The following VMP1 variants were observed in gnomAD, a reference collection of about 807,000 sequenced individuals.
The protein encoded by VMP1 is ectopic P-granules autophagy protein 3 homolog.
A neutral mutation model predicts 56.0 loss-of-function variants in VMP1; 11 were observed. The observed-to-expected ratio is 0.20, with a 90% confidence interval of 0.12 to 0.32. VMP1 has a LOEUF of 0.32. VMP1 is among the 10% of genes least tolerant of loss of function. The pLI is 1.00. For missense variants in VMP1, 296 were observed against 490.3 expected (o/e 0.60, Z 3.74); for synonymous variants, 149 against 165.0 (o/e 0.90, Z 0.74).
chr17:59,802,031 T>C (rs2037687416), intron 7 of VMP1, among the ~76,000 whole-genome samples: 1 of 151,816 alleles, frequency 6.6e-6, no homozygotes, highest in Admixed American at 6.6e-5. Context: ...CGAAACCCCA[T>C]CTCTACTAAA....
chr17:59,782,541 T>C (rs1488041809), intron 7 of VMP1, among the ~76,000 whole-genome samples: 2 of 152,212 alleles, frequency 1.3e-5, no homozygotes, highest in Non-Finnish European at 2.9e-5. Context: ...CAAATTCTTA[T>C]AGTAATCAGT....
chr17:59,778,316 G>A (rs1044044906), intron 7 of VMP1, among the ~76,000 whole-genome samples: 11 of 151,894 alleles, frequency 7.2e-5, no homozygotes, highest in Admixed American at 1.3e-4. Context: ...AGAGGCAGGC[G>A]GATCATGAGG....
chr17:59,775,246 CA>C (rs1409092636), intron 7 of VMP1, among the ~76,000 whole-genome samples: 2 of 148,398 alleles, frequency 1.3e-5, no homozygotes, highest in Non-Finnish European at 3.0e-5. Flanking sequence ...GCCCGGCCTA[CA>C]AAAAATTTTT....
intron 7 of VMP1, among the ~76,000 whole-genome samples, chr17:59,777,230 T>C (rs971862363): frequency 1.3e-5 from 2 of 152,206 alleles, no homozygotes; most frequent in Admixed American, 1.3e-4. Context: ...CTTGAACATA[T>C]TCTGCTGTAG....
chr17:59,759,558 T>C (rs537483686), intron 5 of VMP1, among the ~76,000 whole-genome samples: 1 of 152,224 alleles, frequency 6.6e-6, no homozygotes, highest in Non-Finnish European at 1.5e-5. Context: ...TTAATATTCT[T>C]TGTCATTAAA....
intron 5 of VMP1, among the ~76,000 whole-genome samples, chr17:59,764,464 C>T (rs745478270): frequency 2.6e-5 from 4 of 152,116 alleles, no homozygotes; most frequent in Non-Finnish European, 5.9e-5. Context: ...GCTGGGACTA[C>T]AGGCACATGC....
intron 10 of VMP1, among the ~76,000 whole-genome samples, chr17:59,821,925 C>A (rs1196514723): frequency 6.6e-6 from 1 of 151,960 alleles, no homozygotes; most frequent in Non-Finnish European, 1.5e-5. Context: ...TCACTGCAAC[C>A]TCCGCCTCCT....
chr17:59,775,223 C>T (rs1019825830), intron 7 of VMP1, among the ~76,000 whole-genome samples: 4 of 152,226 alleles, frequency 2.6e-5, no homozygotes, highest in African/African-American at 4.8e-5. Context: ...GGATTACAGG[C>T]GTGAGCCACC....
At position 59,839,578 on chromosome 17, in the gene VMP1, G is replaced by A. The variant is rs552947369; in HGVS notation, c.1078-190G>A. 1.3e-3 allele frequency: 864 copies of A among 649,718 alleles called. 3 individuals carry two copies. Among genetic ancestry groups the A allele is most frequent in the Non-Finnish European group, 1.9e-3 (738 of 398,650 alleles). The allele number at this position is 649,718 out of a possible 1,614,324, so 40.2% of individuals were successfully genotyped here. The stretch of plus-strand genomic sequence containing the variant: ...CAACACTGATTTTACATCCAACAAA[G>A]TGAAATCTTGATAGTTGGGTGTAAA... On this transcript the variant is annotated intron_variant, in intron 11 of 11. Transcript: ENST00000262291.
At chr17:59,711,897 A>G (rs1168354945) in intron 1 of VMP1, among the ~76,000 whole-genome samples, 1 of 152,090 alleles carries the variant, frequency 6.6e-6, no homozygotes, top group Non-Finnish European at 1.5e-5. Context: ...TTTAATGATA[A>G]CTTTGTTCTT....
At chr17:59,729,246 A>G (rs2034724090) in intron 1 of VMP1, among the ~76,000 whole-genome samples, 1 of 152,158 alleles carries the variant, frequency 6.6e-6, no homozygotes, top group African/African-American at 2.4e-5. Flanking sequence ...GCACTTTGTG[A>G]GGCCGAGGCA....
intron 9 of VMP1, among the ~76,000 whole-genome samples, chr17:59,815,037 G>C (rs187838909): frequency 6.6e-6 from 1 of 152,212 alleles, no homozygotes; most frequent in Admixed American, 6.5e-5. Flanking sequence ...CTGTCTCCTT[G>C]TCTGCTTTTC....
rs574875054 is a variant in VMP1 at position 59,742,579 on chromosome 17, T to A, written c.414+3632T>A. 4.6e-5 allele frequency among the ~76,000 whole-genome samples: 7 copies of A among 150,946 alleles called. No individual in the cohort carries two copies. In the South Asian group the frequency reaches 1.5e-3, roughly 32 times the overall value. On this transcript the variant is annotated intron_variant, in intron 5 of 11. Transcript: ENST00000262291. ...ATAGGCTTTATTGTTCAGTGTAGTT[T>A]TAGGTTTACAGAAAAATTGAGCAGA...
intron 1 of VMP1, among the ~76,000 whole-genome samples, chr17:59,722,703 G>A (rs2034447597): frequency 6.6e-6 from 1 of 152,172 alleles, no homozygotes; most frequent in Non-Finnish European, 1.5e-5. Context: ...AATTAGCCGG[G>A]CATGGGGGTA....
intron 5 of VMP1, among the ~76,000 whole-genome samples, chr17:59,757,238 G>GAGATAGATAGAT (rs72408206): frequency 8.3e-4 from 122 of 146,904 alleles, no homozygotes; most frequent in East Asian, 1.6e-3. Context: ...GATTAGGATG[G>GAGATAGATAGAT]AGATAGATAG....
intron 3 of VMP1, 103 bp from the exon 4 acceptor site, chr17:59,737,350 G>C: frequency 8.9e-7 from 1 of 1,127,760 alleles, no homozygotes; most frequent in Non-Finnish European, 1.2e-6. Flanking sequence ...GCTCAGCCCA[G>C]CTGAGCTAGG....
rs1471128236 is a variant in VMP1, at chr17:59,806,588, G to A, written c.715-2208G>A. The stretch of plus-strand genomic sequence containing the variant: ...AAATTAGCCAGGCATGATGGCGGGC[G>A]CCTGTAATCCCAGCTGCTCAGGAGG... On this transcript the variant is annotated intron_variant, in intron 7 of 11. Transcript: ENST00000262291. Among the ~76,000 whole-genome samples the A allele has an allele frequency of 2.6e-5, 4 of 151,620 alleles. No homozygotes were observed. In the East Asian group the frequency reaches 7.7e-4, roughly 29 times the overall value.
chr17:59,778,965 T>C (rs2036725982), intron 7 of VMP1, among the ~76,000 whole-genome samples: 1 of 152,170 alleles, frequency 6.6e-6, no homozygotes, highest in Admixed American at 6.5e-5. Context: ...ATCATGAGGG[T>C]AAACGTCCAT....
At chr17:59,738,816 C>T in intron 4 of VMP1, 21 bp from the exon 5 acceptor site, 1 of 1,543,808 alleles carries the variant, frequency 6.5e-7, no homozygotes, top group Non-Finnish European at 8.9e-7. Context: ...TCACGGTTTT[C>T]ACCTCATCCC....
Sources: gnomAD v4.1 joint callset for allele counts (sites outside exome capture counted in the v4.1 genomes callset) on GRCh38, gnomAD v4.1.1 for gene constraint, MANE v1.5 for transcripts, NCBI Gene and HGNC (gene_info 2026-07-23, HGNC 2026-07-21) for gene names.